Variants in NTM observed in about 807,000 individuals in gnomAD.
NTM encodes IgLON family member 2.
In NTM, 13 loss-of-function variants were observed where a neutral mutation model predicts 42.1. The observed-to-expected ratio is 0.31, with a 90% CI of 0.20 to 0.49. NTM has a LOEUF of 0.49. Among genes scored for constraint, NTM ranks in the 20% least tolerant of loss-of-function variants. The pLI, the probability that NTM is intolerant of heterozygous loss-of-function variation, is 0.99. For missense variants in NTM, 373 were observed against 452.8 expected, an observed-to-expected ratio of 0.82 and a Z score of 1.60; for synonymous variants, 187 against 179.2, an observed-to-expected ratio of 1.04 and a Z score of -0.35.
chr11:131,734,623 C>T (rs891925611), intron 1 of NTM, among the ~76,000 whole-genome samples: 5 of 152,184 alleles, frequency 3.3e-5, no homozygotes, highest in East Asian at 1.9e-4. Flanking sequence ...TCGTATCGCC[C>T]TATGTCCTCT....
chr11:132,228,335 G>C (rs555631690), intron 4 of NTM, among the ~76,000 whole-genome samples: 5 of 152,314 alleles, frequency 3.3e-5, no homozygotes, highest in African/African-American at 1.2e-4. Flanking sequence ...TCAGTGTTTA[G>C]GTTTCAATAA....
intron 1 of NTM, among the ~76,000 whole-genome samples, chr11:131,866,216 C>G (rs116305454): frequency 6.6e-6 from 1 of 152,272 alleles, no homozygotes; most frequent in Non-Finnish European, 1.5e-5. Flanking sequence ...CACACACATG[C>G]ATGCGTTGGC....
At chr11:131,891,454 G>T (rs1023236243) in intron 1 of NTM, among the ~76,000 whole-genome samples, 1 of 152,196 alleles carries the variant, frequency 6.6e-6, no homozygotes, top group Non-Finnish European at 1.5e-5. Flanking sequence ...ATGGTGTGGT[G>T]ACTTGACTTC....
intron 1 of NTM, among the ~76,000 whole-genome samples, chr11:131,773,413 C>A (rs1329223102): frequency 2.6e-5 from 4 of 152,192 alleles, no homozygotes; most frequent in African/African-American, 7.2e-5. Context: ...ACTAGGGTGC[C>A]TATACTTACA....
At chr11:132,050,347 G>A (rs1006939310) in intron 2 of NTM, among the ~76,000 whole-genome samples, 4 of 152,100 alleles carry the variant, frequency 2.6e-5, no homozygotes, top group African/African-American at 9.7e-5. Context: ...TTCCATGGCT[G>A]GTCCTCAGAG....
chr11:131,770,520 C>T (rs1343806748), intron 1 of NTM, among the ~76,000 whole-genome samples: 1 of 152,190 alleles, frequency 6.6e-6, no homozygotes, highest in Non-Finnish European at 1.5e-5. Flanking sequence ...TTAGGTGTTT[C>T]CTTTCCAGGC....
intron 1 of NTM, chr11:131,582,249 G>C (rs1213535426): frequency 6.6e-6 from 1 of 152,216 alleles, no homozygotes; most frequent in East Asian, 1.9e-4. Context: ...ATCAAGAATA[G>C]CCTTGAAAGG....
At chr11:132,293,450 G>A (rs140479958) in intron 4 of NTM, among the ~76,000 whole-genome samples, 18 of 152,282 alleles carry the variant, frequency 1.2e-4, no homozygotes, top group South Asian at 4.1e-4. Context: ...GTCAGGGAGC[G>A]TTGATGATGC....
intron 1 of NTM, among the ~76,000 whole-genome samples, chr11:131,874,037 ATATATAT>A (rs2048226692): frequency 1.0e-4 from 1 of 9,788 alleles, no homozygotes; most frequent in African/African-American, 9.7e-4. Context: ...TATAATATAT[ATATATAT>A]ATATATATAT....
intron 7 of NTM, 130 bp downstream of exon 7, chr11:132,314,833 AAAAG>A (rs1020458477): frequency 3.6e-5 from 50 of 1,401,984 alleles, no homozygotes; most frequent in Admixed American, 2.5e-4. Flanking sequence ...GGGAGGAAAA[AAAAG>A]AGAGAGACAC....
chr11:131,478,603 T>C (rs1307837921), intron 1 of NTM, among the ~76,000 whole-genome samples: 1 of 152,180 alleles, frequency 6.6e-6, no homozygotes, highest in Non-Finnish European at 1.5e-5. Flanking sequence ...AAGCTTCATA[T>C]GGACTAGTAG....
intron 1 of NTM, among the ~76,000 whole-genome samples, chr11:131,763,913 T>C (rs1467599225): frequency 6.6e-6 from 1 of 151,926 alleles, no homozygotes; most frequent in Non-Finnish European, 1.5e-5. Context: ...CATGTAAGTT[T>C]TATTTATCGT....
At chr11:131,388,066 T>G (rs2135566772) in intron 1 of NTM, among the ~76,000 whole-genome samples, 1 of 152,100 alleles carries the variant, frequency 6.6e-6, no homozygotes, top group South Asian at 2.1e-4. Context: ...TTTAAAGGAG[T>G]GTGAAGACTG....
At position 132,000,636 on chromosome 11, in the gene NTM, A is replaced by G. The variant is rs190466347; in HGVS notation, c.167+88988A>G. ...GACAGACTCCTTCAGACATTTATAA[A>G]AGTCTGCTTTGATCGTTCCTCTATA... On this transcript the variant is annotated intron_variant, in intron 2 of 8. Transcript: ENST00000683400. 3.3e-5 allele frequency among the ~76,000 whole-genome samples: 5 copies of G among 152,254 alleles called. 1 individual carries two copies. Among genetic ancestry groups the G allele is most frequent in the African/African-American group, 1.2e-4 (5 of 41,544 alleles).
chr11:132,217,350 C>CTT (rs1400180239), intron 4 of NTM, among the ~76,000 whole-genome samples: 1 of 103,970 alleles, frequency 9.6e-6, no homozygotes, highest in Non-Finnish European at 2.2e-5. Context: ...CTCTCTCTCT[C>CTT]TCTCTTTCTG....
chr11:131,632,197 G>A (rs1379437279), intron 1 of NTM, among the ~76,000 whole-genome samples: 1 of 151,966 alleles, frequency 6.6e-6, no homozygotes, highest in African/African-American at 2.4e-5. Flanking sequence ...TTTTTAAGTT[G>A]GATTTGCTCT....
intron 3 of NTM, among the ~76,000 whole-genome samples, chr11:132,195,230 G>A (rs767281095): frequency 1.3e-5 from 2 of 152,060 alleles, no homozygotes; most frequent in South Asian, 2.1e-4. Context: ...CTAGGAATAC[G>A]TCTAACCAAG....
chr11:131,572,600 T>C (rs1380321446), intron 1 of NTM, among the ~76,000 whole-genome samples: 1 of 152,088 alleles, frequency 6.6e-6, no homozygotes, highest in African/African-American at 2.4e-5. Flanking sequence ...TGTGCGCGCA[T>C]TGAAAGACTT....
At chr11:131,814,978 CAT>C (rs548147379) in intron 1 of NTM, among the ~76,000 whole-genome samples, 3 of 151,926 alleles carry the variant, frequency 2.0e-5, no homozygotes, top group Non-Finnish European at 2.9e-5. Flanking sequence ...CACTGCGGGC[CAT>C]GGATTTTGAT....
Sources: gnomAD v4.1 joint callset for allele counts (sites outside exome capture counted in the v4.1 genomes callset) on GRCh38, gnomAD v4.1.1 for gene constraint, MANE v1.5 for transcripts, NCBI Gene and HGNC (gene_info 2026-07-23, HGNC 2026-07-21) for gene names.